CLCN5: variants seen among roughly 807,000 people sequenced by gnomAD.
CLCN5 encodes the protein H(+)/Cl(-) exchange transporter 5.
Under a neutral mutation model 54.0 loss-of-function variants are expected in CLCN5, and 17 were observed. That is an observed-to-expected ratio of 0.31 (90% CI 0.22 to 0.47). The LOEUF is 0.47. CLCN5 is among the 20% of genes least tolerant of loss of function. The pLI is 1.00. For synonymous variants in CLCN5, 222 were observed against 233.0 expected (o/e 0.95, Z 0.43); for missense variants, 448 against 646.7 (o/e 0.69, Z 3.33).
At chrX:49,930,740 T>C (rs948824493) in intron 3 of CLCN5, among the ~76,000 whole-genome samples, 1 of 111,666 alleles carries the variant, frequency 9.0e-6, no homozygotes, top group Admixed American at 9.5e-5. Context: ...ATGGGTGTCA[T>C]ATTCTGAGAT....
chrX:49,972,320 T>G (rs1284008501), intron 3 of CLCN5, among the ~76,000 whole-genome samples: 1 of 111,642 alleles, frequency 9.0e-6, no homozygotes, highest in Non-Finnish European at 1.9e-5. Flanking sequence ...TTCTCTACCA[T>G]AGAAATTCTA....
intron 3 of CLCN5, among the ~76,000 whole-genome samples, chrX:49,978,429 A>G (rs899121867): frequency 8.9e-6 from 1 of 112,330 alleles, no homozygotes; most frequent in East Asian, 2.8e-4. Context: ...CATGTAAAGC[A>G]CTTGCTTGGC....
chrX:49,927,311 A>C (rs1384821463), intron 3 of CLCN5, among the ~76,000 whole-genome samples: 1 of 112,461 alleles, frequency 8.9e-6, no homozygotes, highest in East Asian at 2.7e-4. Context: ...ATAGTAAATA[A>C]TGTATTTTGC....
intron 7 of CLCN5, 34 bp from the exon 8 acceptor site, chrX:50,080,560 G>A (rs782258497): frequency 8.4e-7 from 1 of 1,191,363 alleles, no homozygotes; most frequent in South Asian, 1.8e-5. Context: ...AAGCTGTCTA[G>A]GCTAAAACAA....
intron 3 of CLCN5, among the ~76,000 whole-genome samples, chrX:49,934,736 C>A (rs1386547424): frequency 1.8e-5 from 2 of 112,028 alleles, no homozygotes; most frequent in Non-Finnish European, 3.8e-5. Context: ...TATTACTAGG[C>A]ATGTGAGATA....
chrX:50,037,871 A>C (rs1343959967), intron 3 of CLCN5, among the ~76,000 whole-genome samples: 2 of 111,310 alleles, frequency 1.8e-5, no homozygotes, highest in Admixed American at 1.9e-4. Context: ...ATATATGTGA[A>C]AGTGTGTGTG....
chrX:50,046,049 G>T (rs1932381075), intron 4 of CLCN5, among the ~76,000 whole-genome samples: 2 of 112,436 alleles, frequency 1.8e-5, no homozygotes, highest in Non-Finnish European at 3.8e-5. Context: ...TATGAGGAAT[G>T]AATAAATAAA....
At chrX:49,956,809 TC>T (rs1361591089) in intron 3 of CLCN5, among the ~76,000 whole-genome samples, 3 of 112,128 alleles carry the variant, frequency 2.7e-5, no homozygotes, top group Non-Finnish European at 5.6e-5. Context: ...TACTTTGCGT[TC>T]CTTCTAGCGT....
intron 3 of CLCN5, among the ~76,000 whole-genome samples, chrX:50,028,193 G>T (rs1164169670): frequency 8.9e-6 from 1 of 111,824 alleles, no homozygotes; most frequent in Admixed American, 9.5e-5. Flanking sequence ...GTGGGAGATA[G>T]AATTAGATAC....
At chrX:50,048,506 A>G (rs1420434519) in intron 4 of CLCN5, among the ~76,000 whole-genome samples, 1 of 112,657 alleles carries the variant, frequency 8.9e-6, no homozygotes, top group Non-Finnish European at 1.9e-5. Flanking sequence ...TATCTATTAA[A>G]TCATTTATAT....
chrX:50,029,467 A>G (rs1931583166), intron 3 of CLCN5, among the ~76,000 whole-genome samples: 1 of 110,841 alleles, frequency 9.0e-6, no homozygotes, highest in South Asian at 3.9e-4. Context: ...CCATGTCCCT[A>G]CAAAGGACAT....
intron 4 of CLCN5, among the ~76,000 whole-genome samples, chrX:50,063,335 T>G (rs12010420): frequency 1.0e-4 from 10 of 97,936 alleles, no homozygotes; most frequent in Non-Finnish European, 2.0e-4. Flanking sequence ...ATATCACCAC[T>G]GATCCCACAG....
chrX:49,979,790 A>G (rs1208969591), intron 3 of CLCN5, among the ~76,000 whole-genome samples: 1 of 111,070 alleles, frequency 9.0e-6, no homozygotes, highest in African/African-American at 3.3e-5. Context: ...GAATGGCTAA[A>G]TCAAGCTAAC....
intron 3 of CLCN5, among the ~76,000 whole-genome samples, chrX:49,929,979 A>G (rs782379856): frequency 9.0e-6 from 1 of 111,524 alleles, no homozygotes; most frequent in East Asian, 2.8e-4. Context: ...AGAAAACTAG[A>G]AACAATTGCA....
intron 3 of CLCN5, among the ~76,000 whole-genome samples, chrX:49,994,860 CA>C (rs781989580): frequency 8.9e-6 from 1 of 111,980 alleles, no homozygotes; most frequent in South Asian, 3.8e-4. Context: ...CCCCTCCAAA[CA>C]AATATTCATA....
intron 3 of CLCN5, among the ~76,000 whole-genome samples, chrX:49,935,682 G>A (rs1472271633): frequency 1.8e-5 from 2 of 111,608 alleles, no homozygotes; most frequent in Non-Finnish European, 3.8e-5. Context: ...TCCACGCAAA[G>A]AGTTGGGGGA....
chrX:50,001,355 A>G (rs1057482284), intron 3 of CLCN5, among the ~76,000 whole-genome samples: 24 of 110,748 alleles, frequency 2.2e-4, no homozygotes, highest in African/African-American at 7.2e-4. Context: ...TCTCTACCCA[A>G]AAAGCTCCTC....
intron 3 of CLCN5, among the ~76,000 whole-genome samples, chrX:50,039,029 A>G (rs1932109434): frequency 8.9e-6 from 1 of 112,083 alleles, no homozygotes; most frequent in African/African-American, 3.2e-5. Context: ...TTGTAATCCC[A>G]ACACTTTGGG....
intron 3 of CLCN5, among the ~76,000 whole-genome samples, chrX:50,015,388 T>C (rs950905774): frequency 9.2e-6 from 1 of 109,028 alleles, no homozygotes; most frequent in East Asian, 2.9e-4. Flanking sequence ...AACTGTGAGC[T>C]GCCTTTAGAT....
Sources: allele counts gnomAD v4.1 joint callset (sites outside exome capture counted in the v4.1 genomes callset), GRCh38; gene constraint gnomAD v4.1.1; transcripts MANE v1.5; gene names NCBI Gene and HGNC (gene_info 2026-07-23, HGNC 2026-07-21).